The following UBE2W variants were observed in gnomAD, a reference collection of about 807,000 sequenced individuals.
The protein encoded by UBE2W is ubiquitin conjugating enzyme E2 W.
In UBE2W, 18 loss-of-function variants were observed where a neutral mutation model predicts 27.2. That is an observed-to-expected ratio of 0.66 (90% CI 0.46 to 0.98). The LOEUF is 0.98. Among genes scored for constraint, UBE2W ranks in the 50% least tolerant of loss-of-function variants. UBE2W has a pLI of 0.00. For synonymous variants in UBE2W, 53 were observed against 57.2 expected (o/e 0.93, Z 0.33); for missense variants, 90 against 180.2 (o/e 0.50, Z 2.87).
chr8:73,854,909 A>G (rs1242670102), intron 1 of UBE2W, among the ~76,000 whole-genome samples: 2 of 152,248 alleles, frequency 1.3e-5, no homozygotes, highest in Non-Finnish European at 2.9e-5. Flanking sequence ...TAGAGAAAAT[A>G]AAATGTTAAG....
intron 1 of UBE2W, among the ~76,000 whole-genome samples, chr8:73,851,947 CTCTTT>C (rs1318474475): frequency 7.7e-6 from 1 of 129,384 alleles, no homozygotes; most frequent in African/African-American, 3.2e-5. Flanking sequence ...GACCCAGTCT[CTCTTT>C]TTTTTTTTTT....
intron 3 of UBE2W, among the ~76,000 whole-genome samples, chr8:73,813,619 T>C (rs979067874): frequency 1.3e-5 from 2 of 152,166 alleles, no homozygotes; most frequent in South Asian, 4.1e-4. Flanking sequence ...GAAGTTTGTC[T>C]AAACATATAA....
chr8:73,839,340 T>C (rs1810437251), intron 1 of UBE2W, among the ~76,000 whole-genome samples: 1 of 110,614 alleles, frequency 9.0e-6, no homozygotes, highest in South Asian at 3.2e-4. Context: ...TTTAAAATGC[T>C]CCTAGTTAAA....
intron 1 of UBE2W, among the ~76,000 whole-genome samples, chr8:73,867,713 GAAA>G (rs71269960): frequency 2.3e-5 from 3 of 128,718 alleles, no homozygotes; most frequent in Non-Finnish European, 3.3e-5. Flanking sequence ...CTCTGTCTCA[GAAA>G]AAAAAAAAAA....
In UBE2W at chr8:73,842,082, G is replaced by GGAT. The variant is rs1186870453; in HGVS notation, c.16-11611_16-11610insATC. On this transcript the variant is annotated intron_variant, in intron 1 of 5. Transcript: ENST00000602593. ...AAATATAAATCCTGGAGAAATCCAAGTTCTGTCCTTTGAGGCAACAATTTC... is the reference window on the plus strand; with the variant it reads ...AAATATAAATCCTGGAGAAATCCAAGGATTTCTGTCCTTTGAGGCAACAATTTC... Among the ~76,000 whole-genome samples, 5 of 152,284 alleles carry GGAT rather than the reference G, an allele frequency of 3.3e-5. No homozygotes were observed. The South Asian group carries it at 1.0e-3, about 32-fold the overall frequency.
In UBE2W at chr8:73,808,452, T is replaced by C. The variant is rs1280647008; in HGVS notation, c.366+2022A>G. On this transcript the variant is annotated intron_variant, in intron 4 of 5. Coordinates refer to ENST00000602593, the MANE Select transcript of UBE2W (RefSeq NM_018299.6). The stretch of plus-strand genomic sequence containing the variant: ...TTAGCCATTTTGCCTAGGCTGCTCT[T>C]GAACTCCTGGCCTCAAGTGCTCCAC... Among the ~76,000 whole-genome samples, 3 of 152,338 alleles carry C rather than the reference T, an allele frequency of 2.0e-5. No individual in the cohort carries two copies. The East Asian group carries it at 5.8e-4, about 29-fold the overall frequency.
At chr8:73,804,277 T>C (rs62508048) in intron 5 of UBE2W, among the ~76,000 whole-genome samples, 12 of 145,012 alleles carry the variant, frequency 8.3e-5, no homozygotes, top group Non-Finnish European at 1.8e-4. Context: ...CAGGTTAACA[T>C]TAAAAAAAAA....
In UBE2W at chr8:73,789,177, A is replaced by C. The variant is rs959979962; in HGVS notation, c.*4925T>G. 2 of 984,982 alleles carry C rather than the reference A, an allele frequency of 2.0e-6. No homozygotes were observed. The highest frequency in any genetic ancestry group is 2.3e-4 in the East Asian group (2 of 8,820). The allele number at this position is 984,982 out of a possible 1,614,324, so 61.0% of individuals were successfully genotyped here. On this transcript the variant is annotated 3_prime_UTR_variant, in exon 6 of 6. Coordinates refer to ENST00000602593, the MANE Select transcript of UBE2W (RefSeq NM_018299.6). Reference sequence around the variant, plus strand: ...TAATGATGTACATAAACCTGTCTTAAATCGGCAAACAGACGAGGCATGGTG... The same window carrying C: ...TAATGATGTACATAAACCTGTCTTACATCGGCAAACAGACGAGGCATGGTG...
At chr8:73,797,732 T>C (rs1050811954) in intron 5 of UBE2W, among the ~76,000 whole-genome samples, 6 of 152,214 alleles carry the variant, frequency 3.9e-5, no homozygotes, top group African/African-American at 1.2e-4. Context: ...TAAAAACCGA[T>C]ATTCCTCTAC....
At position 73,790,078 on chromosome 8, in the gene UBE2W, G is replaced by GT. The variant is rs1808128789; in HGVS notation, c.*4023dup. 1.0e-6 allele frequency: 1 copy of GT among 984,740 alleles called. No homozygotes were observed. Among genetic ancestry groups the GT allele is most frequent in the Non-Finnish European group, 1.2e-6 (1 of 829,702 alleles). 61.0% of individuals were successfully genotyped at this position (984,740 alleles called of 1,614,324 possible). Reference sequence around the variant, plus strand: ...GCCATCTACTGACAAACTGAAATTAGTATCAGAAACTCCATGTATTTTATT... The same window carrying GT: ...GCCATCTACTGACAAACTGAAATTAGTTATCAGAAACTCCATGTATTTTATT... On this transcript the variant is annotated 3_prime_UTR_variant, in exon 6 of 6. Transcript: ENST00000602593.
chr8:73,788,311 A>G lies in UBE2W; in HGVS notation c.*5791T>C. 2.0e-6 allele frequency: 2 copies of G among 984,880 alleles called. No individual in the cohort carries two copies. The highest frequency in any genetic ancestry group is 1.7e-5 in the African/African-American group (1 of 57,382). 61.0% of individuals were successfully genotyped at this position (984,880 alleles called of 1,614,324 possible). On this transcript the variant is annotated 3_prime_UTR_variant, in exon 6 of 6. Transcript: ENST00000602593. ...ATTTTGCAACTTGAGTTTATAAAAT[A>G]TATACATCCACCCTATTCAAATCCT... is the stretch of plus-strand genomic sequence containing the variant.
intron 2 of UBE2W, among the ~76,000 whole-genome samples, chr8:73,828,696 C>G (rs955259475): frequency 1.3e-5 from 2 of 152,116 alleles, no homozygotes; most frequent in Non-Finnish European, 2.9e-5. Flanking sequence ...TATTTTGATA[C>G]AAGCACACAA....
At chr8:73,820,650 G>A (rs143594648) in intron 3 of UBE2W, among the ~76,000 whole-genome samples, 275 of 152,216 alleles carry the variant, frequency 1.8e-3, no homozygotes, top group East Asian at 7.3e-3. Context: ...GCTGAGGTGG[G>A]AGAATGGTTT....
At position 73,786,813 on chromosome 8, in the gene UBE2W, A is replaced by C; in HGVS notation, c.*7289T>G. On this transcript the variant is annotated 3_prime_UTR_variant, in exon 6 of 6. Coordinates refer to ENST00000602593, the MANE Select transcript of UBE2W (RefSeq NM_018299.6). ...CACTCAACAGGACTTGAAAAATGCA[A>C]GGAGAGGACTACTGAGTATCATTGC... 1.0e-6 allele frequency: 1 copy of C among 985,438 alleles called. No homozygotes were observed. The highest frequency in any genetic ancestry group is 1.2e-6 in the Non-Finnish European group (1 of 829,926). The allele number at this position is 985,438 out of a possible 1,614,324, so 61.0% of individuals were successfully genotyped here.
Position 73,790,941 on chromosome 8 carries a change from A to G in UBE2W, c.*3161T>C, listed in dbSNP as rs920108857. 1.0e-6 allele frequency: 1 copy of G among 981,088 alleles called. No homozygotes were observed. Among genetic ancestry groups the G allele is most frequent in the Admixed American group, 6.2e-5 (1 of 16,242 alleles). The allele number at this position is 981,088 out of a possible 1,614,324, so 60.8% of individuals were successfully genotyped here. On this transcript the variant is annotated 3_prime_UTR_variant, in exon 6 of 6. Transcript: ENST00000602593. ...GATATATATATTTGCATATATTTAA[A>G]ATTTCATGAGGGAAAAGGTAATAAA...
At chr8:73,852,755 C>T (rs964378948) in intron 1 of UBE2W, among the ~76,000 whole-genome samples, 4 of 152,046 alleles carry the variant, frequency 2.6e-5, no homozygotes, top group South Asian at 4.1e-4. Context: ...GTATTAGATA[C>T]GCTGAATAAA....
intron 4 of UBE2W, among the ~76,000 whole-genome samples, chr8:73,808,628 T>C (rs1242804924): frequency 2.0e-5 from 3 of 152,252 alleles, no homozygotes; most frequent in Non-Finnish European, 4.4e-5. Flanking sequence ...TTGTAACTTA[T>C]CACTTAGCAC....
At chr8:73,798,064 G>C (rs957959880) in intron 5 of UBE2W, among the ~76,000 whole-genome samples, 1 of 152,190 alleles carries the variant, frequency 6.6e-6, no homozygotes, top group Non-Finnish European at 1.5e-5. Flanking sequence ...GAGGCGGGCA[G>C]ATTGCTTGAG....
intron 1 of UBE2W, among the ~76,000 whole-genome samples, chr8:73,845,576 C>T (rs1474199197): frequency 1.3e-5 from 2 of 151,862 alleles, no homozygotes; most frequent in African/African-American, 2.4e-5. Context: ...TTGCGGAAGG[C>T]GGCAGGGCCC....
Sources: allele counts gnomAD v4.1 joint callset (sites outside exome capture counted in the v4.1 genomes callset), GRCh38; gene constraint gnomAD v4.1.1; transcripts MANE v1.5; gene names NCBI Gene and HGNC (gene_info 2026-07-23, HGNC 2026-07-21).